The following MYL1 variants were observed in gnomAD, a reference collection of about 807,000 sequenced individuals.
MYL1 encodes myosin light chain 1/3, skeletal muscle isoform.
In MYL1, 16 loss-of-function variants were observed where a neutral mutation model predicts 21.8. The ratio of observed to expected loss-of-function variants is 0.74; its 90% confidence interval spans 0.50 to 1.12. The LOEUF is 1.12. Ranked by LOEUF, MYL1 falls within the 50% of genes most tolerant of loss-of-function variation. The pLI is 0.00. For missense variants in MYL1, 246 were observed against 241.0 expected (o/e 1.02, Z -0.14); for synonymous variants, 99 against 85.2 (o/e 1.16, Z -0.89).
chr2:210,299,947 G>A (rs1461259852), intron 2 of MYL1, among the ~76,000 whole-genome samples: 3 of 151,960 alleles, frequency 2.0e-5, no homozygotes, highest in Non-Finnish European at 2.9e-5. Context: ...ATCTAACATC[G>A]CACTGACATT....
chr2:210,309,601 T>G (rs1047448091), intron 1 of MYL1, among the ~76,000 whole-genome samples: 1 of 152,044 alleles, frequency 6.6e-6, no homozygotes, highest in Non-Finnish European at 1.5e-5. Flanking sequence ...GAAGTTGATA[T>G]AGAAACAAAT....
Position 210,298,440 on chromosome 2 carries a change from A to C in MYL1, c.284T>G (p.Leu95Arg), listed in dbSNP as rs1210353436. 3.7e-6 allele frequency: 6 copies of C among 1,613,838 alleles called. No homozygotes were observed. Among genetic ancestry groups the C allele is most frequent in the African/African-American group, 1.3e-5 (1 of 74,884 alleles). ...GTTACCTTCATTGCTGGGGTTTCCC[A>C]GAACTTTCCTGACCTCTGCATTGGT... is the stretch of plus-strand genomic sequence containing the variant. ...NPTNAEVRKV[L>R]GNPSNEELNA... Residue 95 changes from leucine (L) to arginine (R), a missense_variant, in exon 3 of 7, where the codon CTG becomes CGG. By Grantham distance (102) the Leu-to-Arg change is moderately radical (BLOSUM62 -2). Transcript: ENST00000352451.
rs779083826 is a variant in MYL1, at chr2:210,315,039, C to T, written c.4G>A (p.Ala2Thr). 20 of 1,591,530 alleles carry T rather than the reference C, an allele frequency of 1.3e-5. No individual in the cohort carries two copies. The highest frequency in any genetic ancestry group is 1.6e-5 in the Non-Finnish European group (19 of 1,174,332). The stretch of plus-strand genomic sequence containing the variant: ...GGTTTCTTCACGTCTTTCTTTGGTG[C>T]CATTTTTTTTTTTAAAAGGGTGGGT... The part of the protein sequence containing the change: M[A>T]PKKDVKKPVA... Residue 2 changes from alanine (A) to threonine (T), a missense_variant, in exon 1 of 7, where the codon GCA becomes ACA. By Grantham distance (58) the Ala-to-Thr change is moderately conservative. Coordinates refer to ENST00000352451, the MANE Select transcript of MYL1 (RefSeq NM_079420.3).
chr2:210,306,332 G>T (rs928258096), intron 1 of MYL1, among the ~76,000 whole-genome samples: 1 of 148,316 alleles, frequency 6.7e-6, no homozygotes, highest in Non-Finnish European at 1.5e-5. Context: ...AGTGAGCTGA[G>T]ATCGCGCCAT....
intron 1 of MYL1, among the ~76,000 whole-genome samples, chr2:210,304,948 A>T (rs1042487696): frequency 6.6e-6 from 1 of 152,226 alleles, no homozygotes; most frequent in African/African-American, 2.4e-5. Flanking sequence ...TACTGGGAAA[A>T]GTGGTACAGG....
intron 3 of MYL1, among the ~76,000 whole-genome samples, chr2:210,296,420 C>T (rs1306675235): frequency 1.3e-5 from 2 of 152,232 alleles, no homozygotes; most frequent in East Asian, 3.9e-4. Flanking sequence ...ATTTACTGAC[C>T]TCTGGCTATG....
At chr2:210,293,633 G>A in intron 5 of MYL1, 90 bp downstream of exon 5, 2 of 1,007,804 alleles carry the variant, frequency 2.0e-6, no homozygotes, top group Admixed American at 3.9e-5. Flanking sequence ...ATGTCAATAA[G>A]GAAGGAAGAG....
At chr2:210,310,323 T>A (rs1156940524) in intron 1 of MYL1, among the ~76,000 whole-genome samples, 1 of 152,052 alleles carries the variant, frequency 6.6e-6, no homozygotes, top group Non-Finnish European at 1.5e-5. Context: ...GGTTTTATCA[T>A]ATTGTACATG....
At chr2:210,302,712 C>T in intron 1 of MYL1, 197 bp from the exon 2 acceptor site, 1 of 1,550,330 alleles carries the variant, frequency 6.5e-7, no homozygotes, top group South Asian at 1.2e-5. Flanking sequence ...AGTAATATTG[C>T]AGAAACTAGG....
At position 210,314,916 on chromosome 2, in the gene MYL1, T is replaced by A; in HGVS notation, c.127A>T (p.Ile43Phe). The A allele has an allele frequency of 6.2e-7, 1 of 1,613,916 alleles. No homozygotes were observed. Among genetic ancestry groups the A allele is most frequent in the Non-Finnish European group, 8.5e-7 (1 of 1,179,842 alleles). The change falls in exon 1 of 7, where the codon ATT (isoleucine) becomes TTT (phenylalanine). Residue 43 changes from isoleucine to phenylalanine, a missense_variant. Coordinates refer to ENST00000352451, the MANE Select transcript of MYL1 (RefSeq NM_079420.3). The stretch of plus-strand genomic sequence containing the variant: ...CAGTTCATCCATTTAGTTACCTTAA[T>A]GGCAGAGAGGTCAATTTTTTCTTCT... ...PKEEKIDLSA[I>F]KIEFSKEQQD...
intron 6 of MYL1, among the ~76,000 whole-genome samples, 193 bp from the exon 7 acceptor site, chr2:210,290,660 A>G (rs949097530): frequency 2.0e-5 from 3 of 152,200 alleles, no homozygotes; most frequent in African/African-American, 7.2e-5. Flanking sequence ...ACGGTTTTCT[A>G]GAGCAGAAAC....
chr2:210,303,426 C>G, intron 1 of MYL1: 1 of 865,918 alleles, frequency 1.2e-6, no homozygotes, highest in Admixed American at 3.0e-5. Context: ...ACTAAAGACT[C>G]ATATTGAATA....
At chr2:210,290,719 T>C (rs1381608012) in intron 6 of MYL1, among the ~76,000 whole-genome samples, 1 of 152,158 alleles carries the variant, frequency 6.6e-6, no homozygotes, top group Non-Finnish European at 1.5e-5. Flanking sequence ...TGTGCTTTTA[T>C]TAGTGTTCTG....
At chr2:210,301,870 T>A (rs983550862) in intron 2 of MYL1, among the ~76,000 whole-genome samples, 1 of 152,176 alleles carries the variant, frequency 6.6e-6, no homozygotes, top group Non-Finnish European at 1.5e-5. Context: ...ATTTTGCTCC[T>A]ATCACTAATT....
intron 5 of MYL1, 113 bp downstream of exon 5, chr2:210,293,610 G>C: frequency 1.3e-6 from 1 of 774,920 alleles, no homozygotes; most frequent in Non-Finnish European, 2.2e-6. Context: ...TTATGCAATT[G>C]ATTGTCATAT....
intron 1 of MYL1, among the ~76,000 whole-genome samples, chr2:210,308,676 A>T (rs1361159911): frequency 6.6e-6 from 1 of 151,834 alleles, no homozygotes; most frequent in African/African-American, 2.4e-5. Flanking sequence ...ACAGGAACTA[A>T]GAGAGGTCTA....
At chr2:210,303,749 G>T in intron 1 of MYL1, 1 of 521,682 alleles carries the variant, frequency 1.9e-6, no homozygotes, top group Non-Finnish European at 3.2e-6. Context: ...GGGAAAGATG[G>T]ATCTGTACCC....
Position 210,292,875 on chromosome 2 carries a change from G to T in MYL1, c.556+848C>A, listed in dbSNP as rs147164104. ...TATTTATTGAATGATTCTCTATGGA[G>T]TGTATTTACGGTAATAGCCAAATGT... On this transcript the variant is annotated intron_variant, in intron 5 of 6. Transcript: ENST00000352451. Among the ~76,000 whole-genome samples the T allele has an allele frequency of 5.4e-3, 829 of 152,264 alleles. 10 individuals are homozygous for T. The highest frequency in any genetic ancestry group is 0.019 in the African/African-American group (784 of 41,562).
rs1690298069 is a variant in MYL1 at position 210,303,658 on chromosome 2, C to T, written c.133-1143G>A. ...AGGCTTCCTTTTATTTCTGGGCAAG[C>T]TTTGACCTCACAGCTAGCATCAGGT... On this transcript the variant is annotated intron_variant, in intron 1 of 6. Transcript: ENST00000352451. 4 of 1,491,568 alleles carry T rather than the reference C, an allele frequency of 2.7e-6. No homozygotes were observed. In the Admixed American group the frequency reaches 6.4e-5, roughly 24 times the overall value. The allele number at this position is 1,491,568 out of a possible 1,614,324, so 92.4% of individuals were successfully genotyped here.
Sources: allele counts gnomAD v4.1 joint callset (sites outside exome capture counted in the v4.1 genomes callset), GRCh38; gene constraint gnomAD v4.1.1; transcripts MANE v1.5; gene names NCBI Gene and HGNC (gene_info 2026-07-23, HGNC 2026-07-21).